The following LTBP2 variants were observed in gnomAD, a reference collection of about 807,000 sequenced individuals.
LTBP2 encodes latent transforming growth factor beta binding protein 2, also known as latent-transforming growth factor beta-binding protein 2.
In LTBP2, 103 loss-of-function variants were observed where a neutral mutation model predicts 210.6. The ratio of observed to expected loss-of-function variants is 0.49; its 90% confidence interval spans 0.42 to 0.58. The LOEUF is 0.58. Among genes scored for constraint, LTBP2 ranks in the 20% least tolerant of loss-of-function variants. The pLI is 0.00. For missense variants in LTBP2, 2,313 were observed against 2,494.5 expected (o/e 0.93, Z 1.55); for synonymous variants, 1,007 against 1,015.0 (o/e 0.99, Z 0.15).
Position 74,499,373 on chromosome 14 carries a change from A to T in LTBP2, c.*1511T>A, listed in dbSNP as rs1181227953. Reference sequence around the variant, plus strand: ...CTGTAAATTGAGAATAAACAATAGTAAGTAGGATTATTGGATAATTAAATG... The same window carrying T: ...CTGTAAATTGAGAATAAACAATAGTTAGTAGGATTATTGGATAATTAAATG... On this transcript the variant is annotated 3_prime_UTR_variant, in exon 36 of 36. Coordinates refer to ENST00000261978, the MANE Select transcript of LTBP2 (RefSeq NM_000428.3). The T allele has an allele frequency of 4.5e-6, 1 of 222,928 alleles. No individual in the cohort carries two copies. The highest frequency in any genetic ancestry group is 9.0e-6 in the Non-Finnish European group (1 of 111,324). The allele number at this position is 222,928 out of a possible 1,614,324, so 13.8% of individuals were successfully genotyped here.
intron 29 of LTBP2, 21 bp from the exon 30 acceptor site, chr14:74,504,882 G>T: frequency 6.2e-7 from 1 of 1,613,802 alleles, no homozygotes; most frequent in Non-Finnish European, 8.5e-7. Flanking sequence ...AGGCGTTTCA[G>T]CTCAGAGTGG....
Position 74,579,217 on chromosome 14 carries a change from C to CA in LTBP2, c.830+6636dup, listed in dbSNP as rs1230557325. ...GAAAACCCCTTGCCATTTTGTCAAC[C>CA]AGGGGGTGCTGCCTTCCCCGCACCT... is the stretch of plus-strand genomic sequence containing the variant. On this transcript the variant is annotated intron_variant, in intron 3 of 35. Coordinates refer to ENST00000261978, the MANE Select transcript of LTBP2 (RefSeq NM_000428.3). Among the ~76,000 whole-genome samples the CA allele has an allele frequency of 9.2e-5, 14 of 152,194 alleles. 1 individual carries two copies. Among genetic ancestry groups the CA allele is most frequent in the African/African-American group, 3.4e-4 (14 of 41,438 alleles).
At chr14:74,505,521 A>C (rs1019186166) in intron 28 of LTBP2, among the ~76,000 whole-genome samples, 2 of 152,138 alleles carry the variant, frequency 1.3e-5, no homozygotes, top group Non-Finnish European at 2.9e-5. Context: ...GGCATGCCAT[A>C]TGGGCAGCCC....
Position 74,551,321 on chromosome 14 carries a change from G to A in LTBP2, c.1429C>T (p.His477Tyr). The change falls in exon 7 of 36, where the codon CAC (histidine) becomes TAC (tyrosine). Residue 477 changes from histidine (H) to tyrosine (Y), a missense_variant. Physicochemically the swap from His to Tyr is moderately conservative, Grantham distance 83. Transcript: ENST00000261978. ...GAGGCCTCGGGTGGGTGGTGAATGT[G>A]CACCTTCACCAGGGAGGGGTTCACG... is the stretch of plus-strand genomic sequence containing the variant. ...ASVNPSLVKV[H>Y]IHHPPEASVQ... is the part of the protein sequence containing the mutation. 6.3e-7 allele frequency: 1 copy of A among 1,589,232 alleles called. No individual in the cohort carries two copies. The highest frequency in any genetic ancestry group is 1.1e-5 in the South Asian group (1 of 87,610).
rs1020439181 is a variant in LTBP2, at chr14:74,560,868, T to C, written c.831-5175A>G. Among the ~76,000 whole-genome samples the C allele has an allele frequency of 2.0e-5, 3 of 152,252 alleles. No homozygotes were observed. The South Asian group carries it at 6.2e-4, about 32-fold the overall frequency. On this transcript the variant is annotated intron_variant, in intron 3 of 35. Coordinates refer to ENST00000261978, the MANE Select transcript of LTBP2 (RefSeq NM_000428.3). ...AGAAGATTTAAAGTATATGGGAGCA[T>C]GTGCGTAGCTTATATGCAAACATTA...
chr14:74,553,034 C>A lies in LTBP2; in HGVS notation c.1050G>T (p.Lys350Asn). 1 of 1,614,164 alleles carries A rather than the reference C, an allele frequency of 6.2e-7. No homozygotes were observed. Among genetic ancestry groups the A allele is most frequent in the Non-Finnish European group, 8.5e-7 (1 of 1,180,018 alleles). Residue 350 changes from lysine (K) to asparagine (N), a missense_variant, in exon 5 of 36, where the codon AAG (lysine) becomes AAT (asparagine). Coordinates refer to ENST00000261978, the MANE Select transcript of LTBP2 (RefSeq NM_000428.3). The stretch of plus-strand genomic sequence containing the variant: ...TGGTGGGAGTGAAGACGATCTTGAT[C>A]TTCTTGATTTTCTCCGTGAGGTTCA... ...WGLNLTEKIK[K>N]IKIVFTPTIC...
At chr14:74,503,903 G>T (rs577221191) in intron 31 of LTBP2, 23 bp downstream of exon 31, 2 of 1,613,630 alleles carry the variant, frequency 1.2e-6, no homozygotes, top group South Asian at 2.2e-5. Flanking sequence ...TGGGGTGGGG[G>T]CAGGGATCAT....
Position 74,555,352 on chromosome 14 carries a change from A to AG in LTBP2, c.1021+150dup. The AG allele has an allele frequency of 3.6e-6, 3 of 826,040 alleles. No individual in the cohort carries two copies. In the East Asian group the frequency reaches 7.5e-5, roughly 21 times the overall value. 51.2% of individuals were successfully genotyped at this position (826,040 alleles called of 1,614,324 possible). On this transcript the variant is annotated intron_variant, in intron 4 of 35. Coordinates refer to ENST00000261978, the MANE Select transcript of LTBP2 (RefSeq NM_000428.3). ...GGACCCCTGGACCCCGGCACAAAGC[A>AG]GGTGCTCAACAAGCGTTTGTTGATT...
rs1470348023 is a variant in LTBP2, at chr14:74,500,100, C to G, written c.*784G>C. ...AGCCCTTGCTGCTGGTGCCCACAGG[C>G]TATCACTGGGCGGATTCAGCTACTG... On this transcript the variant is annotated 3_prime_UTR_variant, in exon 36 of 36. Coordinates refer to ENST00000261978, the MANE Select transcript of LTBP2 (RefSeq NM_000428.3). 1 of 233,268 alleles carries G rather than the reference C, an allele frequency of 4.3e-6. No homozygotes were observed. The highest frequency in any genetic ancestry group is 8.5e-6 in the Non-Finnish European group (1 of 118,246). 14.4% of individuals were successfully genotyped at this position (233,268 alleles called of 1,614,324 possible).
rs1436155879 is a variant in LTBP2 at position 74,531,154 on chromosome 14, T to C, written c.1987+1272A>G. Among the ~76,000 whole-genome samples, 3 of 152,104 alleles carry C rather than the reference T, an allele frequency of 2.0e-5. No individual in the cohort carries two copies. The East Asian group carries it at 5.8e-4, about 29-fold the overall frequency. On this transcript the variant is annotated intron_variant, in intron 10 of 35. Transcript: ENST00000261978. ...CTGTAGACTGCCCCACTGGACCTGG[T>C]CAGGCGGCAGGGAGGGAAGGAGGCA... is the stretch of plus-strand genomic sequence containing the variant.
chr14:74,587,190 T>C (rs976569336), intron 2 of LTBP2, among the ~76,000 whole-genome samples: 1 of 152,024 alleles, frequency 6.6e-6, no homozygotes, highest in African/African-American at 2.4e-5. Flanking sequence ...CCCGGAAGCA[T>C]GGTCTGGCTC....
intron 3 of LTBP2, among the ~76,000 whole-genome samples, chr14:74,568,569 A>G (rs1336338276): frequency 6.6e-6 from 1 of 152,182 alleles, no homozygotes; most frequent in African/African-American, 2.4e-5. Context: ...TGAGAATAAT[A>G]ATAGCCAACA....
intron 8 of LTBP2, among the ~76,000 whole-genome samples, chr14:74,538,463 T>C (rs2087450971): frequency 6.6e-6 from 1 of 152,064 alleles, no homozygotes; most frequent in Non-Finnish European, 1.5e-5. Context: ...CCACAGTTTC[T>C]TTGCAGGAGC....
intron 27 of LTBP2, 103 bp downstream of exon 27, chr14:74,506,594 TG>T: frequency 1.3e-6 from 2 of 1,554,722 alleles, no homozygotes; most frequent in Non-Finnish European, 1.8e-6. Context: ...GCCCATGCTC[TG>T]GGGACCCGTG....
chr14:74,504,062 A>G lies in LTBP2; in HGVS notation c.4454-8T>C. 3 of 1,613,788 alleles carry G rather than the reference A, an allele frequency of 1.9e-6. No homozygotes were observed. The highest frequency in any genetic ancestry group is 2.5e-6 in the Non-Finnish European group (3 of 1,179,960). On this transcript the variant is annotated splice_region_variant and splice_polypyrimidine_tract_variant and intron_variant, in intron 30 of 35. Coordinates refer to ENST00000261978, the MANE Select transcript of LTBP2 (RefSeq NM_000428.3). ...TCACACACTCATCCGCATCTGTGGA[A>G]GGCAGAGCTGAGGTGAGAGGAAGGT...
intron 3 of LTBP2, among the ~76,000 whole-genome samples, chr14:74,559,312 C>T (rs1445232274): frequency 6.6e-6 from 1 of 152,142 alleles, no homozygotes; most frequent in Non-Finnish European, 1.5e-5. Flanking sequence ...TCCTCTGAGC[C>T]TAATTCATTG....
chr14:74,577,540 A>C (rs933208756), intron 3 of LTBP2, among the ~76,000 whole-genome samples: 2 of 134,750 alleles, frequency 1.5e-5, no homozygotes, highest in Admixed American at 8.2e-5. Context: ...ACAGAGTCTC[A>C]CTCTGTTGCC....
rs2087881554 is a variant in LTBP2, at chr14:74,564,829, T to C, written c.831-9136A>G. Among the ~76,000 whole-genome samples the C allele has an allele frequency of 3.3e-5, 5 of 152,276 alleles. No individual in the cohort carries two copies. In the South Asian group the frequency reaches 1.0e-3, roughly 32 times the overall value. ...ATTTTATAGTCAAGAAAACAGAGGC[T>C]ATGGGGGTTCTATGCCTTGCAGAAG... On this transcript the variant is annotated intron_variant, in intron 3 of 35. Coordinates refer to ENST00000261978, the MANE Select transcript of LTBP2 (RefSeq NM_000428.3).
At chr14:74,564,546 CA>C in intron 3 of LTBP2, among the ~76,000 whole-genome samples, 1 of 148,030 alleles carries the variant, frequency 6.8e-6, no homozygotes, top group East Asian at 2.0e-4. Context: ...AGGTGCTCGC[CA>C]CCATGCCAGG....
Sources: allele counts gnomAD v4.1 joint callset (sites outside exome capture counted in the v4.1 genomes callset), GRCh38; gene constraint gnomAD v4.1.1; transcripts MANE v1.5; gene names NCBI Gene and HGNC (gene_info 2026-07-23, HGNC 2026-07-21).